Variants in PTH2R observed in about 807,000 individuals in gnomAD.
The protein encoded by PTH2R is PTH2 receptor.
PTH2R carries 59 observed loss-of-function variants against 60.3 expected under a neutral mutation model. The observed-to-expected ratio is 0.98, with a 90% CI of 0.79 to 1.22. PTH2R has a LOEUF of 1.22. Among genes scored for constraint, PTH2R ranks in the 50% most tolerant of loss-of-function variants. The probability of loss-of-function intolerance (pLI) is 0.00; values close to 1 mark genes in which losing one functional copy is unlikely to be tolerated. For synonymous variants in PTH2R, 256 were observed against 243.8 expected (o/e 1.05, Z -0.47); for missense variants, 749 against 682.6 (o/e 1.10, Z -1.08).
At chr2:208,434,103 C>G (rs1702026195) in intron 2 of PTH2R, among the ~76,000 whole-genome samples, 1 of 152,114 alleles carries the variant, frequency 6.6e-6, no homozygotes, top group African/African-American at 2.4e-5. Context: ...CACCTGAGGT[C>G]AGGAGTTCAA....
intron 9 of PTH2R, among the ~76,000 whole-genome samples, chr2:208,462,342 A>G (rs140253821): frequency 1.3e-4 from 20 of 152,376 alleles, no homozygotes; most frequent in African/African-American, 4.6e-4. Flanking sequence ...ATAGTTTTCA[A>G]TTCAGAAGAG....
At chr2:208,419,169 C>A (rs913165800) in intron 1 of PTH2R, among the ~76,000 whole-genome samples, 14 of 152,204 alleles carry the variant, frequency 9.2e-5, no homozygotes, top group Non-Finnish European at 1.9e-4. Flanking sequence ...TCTCCACATC[C>A]TCTCCAGCAC....
intron 1 of PTH2R, among the ~76,000 whole-genome samples, chr2:208,421,091 A>G (rs1701745837): frequency 6.6e-6 from 1 of 152,242 alleles, no homozygotes; most frequent in African/African-American, 2.4e-5. Context: ...TTAAAATATA[A>G]GAGAAAAGGA....
At chr2:208,392,930 G>A (rs1033537394) in intron 1 of PTH2R, among the ~76,000 whole-genome samples, 4 of 152,218 alleles carry the variant, frequency 2.6e-5, no homozygotes, top group African/African-American at 9.6e-5. Flanking sequence ...TGCCTCCAGG[G>A]AAAGACCTGT....
chr2:208,487,653 G>T (rs975252341), intron 10 of PTH2R, among the ~76,000 whole-genome samples: 1 of 152,156 alleles, frequency 6.6e-6, no homozygotes, highest in Non-Finnish European at 1.5e-5. Flanking sequence ...CAGGAATCTG[G>T]GTATGGATCC....
At position 208,437,488 on chromosome 2, in the gene PTH2R, T is replaced by C. The variant is rs754474620; in HGVS notation, c.179-49T>C. 35 of 1,498,866 alleles carry C rather than the reference T, an allele frequency of 2.3e-5. No homozygotes were observed. In the Middle Eastern group the frequency reaches 8.8e-4, roughly 38 times the overall value. 92.8% of individuals were successfully genotyped at this position (1,498,866 alleles called of 1,614,324 possible). On this transcript the variant is annotated intron_variant, in intron 2 of 12. Transcript: ENST00000272847. ...TTTGAATGCATTTGTTCTCTGGTTC[T>C]AACTACATTTTTCTTTGTTTATTTG...
intron 8 of PTH2R, among the ~76,000 whole-genome samples, chr2:208,454,813 G>A (rs1256900673): frequency 1.3e-5 from 2 of 151,958 alleles, no homozygotes; most frequent in East Asian, 1.9e-4. Flanking sequence ...TATCTCCTGG[G>A]AACTTTATTT....
chr2:208,494,046 A>G lies in PTH2R; in HGVS notation c.*387A>G, dbSNP rs189809913. 1.5e-4 allele frequency: 24 copies of G among 158,398 alleles called. No homozygotes were observed. Among genetic ancestry groups the G allele is most frequent in the Non-Finnish European group, 2.9e-4 (21 of 72,442 alleles). The allele number at this position is 158,398 out of a possible 1,614,324, so 9.8% of individuals were successfully genotyped here. A position where few individuals can be genotyped will look rare whatever the true frequency, so the allele number is the denominator to read the frequency against. On this transcript the variant is annotated 3_prime_UTR_variant, in exon 13 of 13. Coordinates refer to ENST00000272847, the MANE Select transcript of PTH2R (RefSeq NM_005048.4). ...TATCATTTTCCTTTTAGAAACTAGTATTCTCTTATTTCTTACTTTAATGTA... is the reference window on the plus strand; with the variant it reads ...TATCATTTTCCTTTTAGAAACTAGTGTTCTCTTATTTCTTACTTTAATGTA...
chr2:208,488,801 C>A (rs1002974259), intron 10 of PTH2R, among the ~76,000 whole-genome samples: 9 of 152,152 alleles, frequency 5.9e-5, no homozygotes, highest in South Asian at 2.1e-4. Context: ...TGCTTGAGCT[C>A]AGGAGGTCGA....
chr2:208,372,814 G>A (rs1027766643), intron 1 of PTH2R, among the ~76,000 whole-genome samples: 3 of 152,046 alleles, frequency 2.0e-5, no homozygotes, highest in Admixed American at 6.6e-5. Flanking sequence ...GCTGGGCGCG[G>A]TGGCTCATGC....
chr2:208,417,968 A>G (rs1574854919), intron 1 of PTH2R, among the ~76,000 whole-genome samples: 1 of 152,230 alleles, frequency 6.6e-6, no homozygotes, highest in Admixed American at 6.5e-5. Context: ...TGATTCTGCT[A>G]TTTGCAGATG....
intron 1 of PTH2R, among the ~76,000 whole-genome samples, chr2:208,377,477 T>C (rs4268881): frequency 0.56 from 82,401 of 148,452 alleles, 24,740 homozygotes; most frequent in African/African-American, 0.77. Context: ...ACCTCCCGGA[T>C]GGGGCGGCGG....
chr2:208,369,352 C>A (rs1216288744), intron 1 of PTH2R, among the ~76,000 whole-genome samples: 2 of 147,334 alleles, frequency 1.4e-5, no homozygotes, highest in Non-Finnish European at 3.0e-5. Flanking sequence ...TGTCTGTAAA[C>A]AACACTGGTC....
In PTH2R at chr2:208,454,637, A is replaced by G. The variant is rs1702473873; in HGVS notation, c.914+3828A>G. ...GCCACCCAGCCTGTGGTATTTTGCT[A>G]TCACACGTCAAGCAGATTAACACAC... On this transcript the variant is annotated intron_variant, in intron 8 of 12. Transcript: ENST00000272847. 2.0e-5 allele frequency among the ~76,000 whole-genome samples: 3 copies of G among 152,244 alleles called. No homozygotes were observed. The South Asian group carries it at 6.2e-4, about 32-fold the overall frequency.
chr2:208,453,105 A>T (rs1318971741), intron 8 of PTH2R, among the ~76,000 whole-genome samples: 3 of 152,210 alleles, frequency 2.0e-5, no homozygotes, highest in African/African-American at 7.2e-5. Flanking sequence ...TTTTTCTCTT[A>T]TCTTCACTAT....
At chr2:208,409,106 C>T (rs1182936728) in intron 1 of PTH2R, among the ~76,000 whole-genome samples, 2 of 152,104 alleles carry the variant, frequency 1.3e-5, no homozygotes, top group African/African-American at 4.8e-5. Context: ...TTGCTTTACA[C>T]GGATTTCCAT....
At chr2:208,388,138 C>CCG (rs1017501087) in intron 1 of PTH2R, among the ~76,000 whole-genome samples, 13 of 149,454 alleles carry the variant, frequency 8.7e-5, no homozygotes, top group South Asian at 4.4e-4. Flanking sequence ...TGAAACCCCC[C>CCG]CCCCCGTCTC....
chr2:208,399,130 G>T (rs750933106), intron 1 of PTH2R, among the ~76,000 whole-genome samples: 1 of 152,144 alleles, frequency 6.6e-6, no homozygotes, highest in Admixed American at 6.5e-5. Context: ...AGAAACCTGT[G>T]AATTCTAAGT....
chr2:208,482,838 G>T (rs1345630465), intron 10 of PTH2R, among the ~76,000 whole-genome samples: 2 of 152,090 alleles, frequency 1.3e-5, no homozygotes, highest in Admixed American at 6.5e-5. Context: ...CTCCACAAGG[G>T]TCGCTTTCCA....
Sources: allele counts gnomAD v4.1 joint callset (sites outside exome capture counted in the v4.1 genomes callset), GRCh38; gene constraint gnomAD v4.1.1; transcripts MANE v1.5; gene names NCBI Gene and HGNC (gene_info 2026-07-23, HGNC 2026-07-21).